ADGRA1: variants seen among roughly 807,000 people sequenced by gnomAD.
ADGRA1 encodes the protein adhesion G protein-coupled receptor A1.
ADGRA1 carries 12 observed loss-of-function variants against 21.3 expected under a neutral mutation model. That is an observed-to-expected ratio of 0.56 (90% confidence interval 0.36 to 0.91). The LOEUF is 0.91. Ranked by LOEUF, ADGRA1 falls within the 40% of genes least tolerant of loss-of-function variation. ADGRA1 has a pLI of 0.01. For synonymous variants in ADGRA1, 385 were observed against 368.8 expected, an observed-to-expected ratio of 1.04 and a Z score of -0.50; for missense variants, 790 against 805.6, an observed-to-expected ratio of 0.98 and a Z score of 0.23.
Position 133,111,893 on chromosome 10 carries a change from A to ACAACCTGCCCACCACAGG in ADGRA1, c.401+9053_401+9054insACCTGCCCACCACAGGCA, listed in dbSNP as rs1852026254. 2.3e-4 allele frequency among the ~76,000 whole-genome samples: 4 copies of ACAACCTGCCCACCACAGG among 17,248 alleles called. 1 individual carries two copies. The highest frequency in any genetic ancestry group is 3.9e-4 in the Non-Finnish European group (3 of 7,620). 11.3% of individuals were successfully genotyped at this position (17,248 alleles called of 152,430 possible). A position where few individuals can be genotyped will look rare whatever the true frequency, so the allele number is the denominator to read the frequency against. Reference sequence around the variant, plus strand: ...CCTCCAGACCACCTGCCCACCACAGACACCTCCCTCCTAATGCCTCCAGAC... The same window carrying ACAACCTGCCCACCACAGG: ...CCTCCAGACCACCTGCCCACCACAGACAACCTGCCCACCACAGGCACCTCCCTCCTAATGCCTCCAGAC... On this transcript the variant is annotated intron_variant, in intron 5 of 6. Transcript: ENST00000392607.
intron 6 of ADGRA1, 61 bp downstream of exon 6, chr10:133,127,392 C>A: frequency 7.9e-7 from 1 of 1,267,260 alleles, no homozygotes; most frequent in African/African-American, 1.5e-5. Flanking sequence ...GCCTGAGGTC[C>A]CTCCCAGGCA....
intron 5 of ADGRA1, among the ~76,000 whole-genome samples, chr10:133,112,891 C>T (rs190055662): frequency 0.018 from 2,112 of 116,722 alleles, 49 homozygotes; most frequent in Non-Finnish European, 0.023. Context: ...CTGCGGGCCG[C>T]GTCAGTTCGG....
At chr10:133,117,554 CTGCTCAGGGCTGG>C (rs2135899714) in intron 5 of ADGRA1, among the ~76,000 whole-genome samples, 1 of 152,352 alleles carries the variant, frequency 6.6e-6, no homozygotes, top group South Asian at 2.1e-4. Context: ...GCCCGGGCAC[CTGCTCAGGGCTGG>C]TGCTCCCTGG....
At chr10:133,109,963 G>GC (rs1851957757) in intron 5 of ADGRA1, among the ~76,000 whole-genome samples, 1 of 152,216 alleles carries the variant, frequency 6.6e-6, no homozygotes, top group Non-Finnish European at 1.5e-5. Flanking sequence ...AGCAGTGGTG[G>GC]CATTCCTGGG....
At chr10:133,095,523 C>A in intron 2 of ADGRA1, 1 of 1,151,762 alleles carries the variant, frequency 8.7e-7, no homozygotes, top group Non-Finnish European at 1.2e-6. Context: ...TTCGCCCTCG[C>A]ACAGGTCCAG....
chr10:133,100,480 A>G (rs888869952), intron 4 of ADGRA1, among the ~76,000 whole-genome samples: 7 of 152,170 alleles, frequency 4.6e-5, no homozygotes, highest in African/African-American at 1.7e-4. Context: ...AACACCTGCC[A>G]CTGCTTGCCT....
rs936246651 is a variant in ADGRA1 at position 133,088,767 on chromosome 10, G to A, written c.-143G>A. 9 of 1,231,468 alleles carry A rather than the reference G, an allele frequency of 7.3e-6. No individual in the cohort carries two copies. Among genetic ancestry groups the A allele is most frequent in the African/African-American group, 6.2e-5 (4 of 64,396 alleles). The allele number at this position is 1,231,468 out of a possible 1,614,324, so 76.3% of individuals were successfully genotyped here. On this transcript the variant is annotated 5_prime_UTR_variant, in exon 2 of 7. Coordinates refer to ENST00000392607, the MANE Select transcript of ADGRA1 (RefSeq NM_001083909.3). Reference sequence around the variant, plus strand: ...GCGGTCACCCTGAGGCCAGGGGCCCGGGAGCGCGACCTCCTGGCCGCCGTC... The same window carrying A: ...GCGGTCACCCTGAGGCCAGGGGCCCAGGAGCGCGACCTCCTGGCCGCCGTC...
intron 5 of ADGRA1, among the ~76,000 whole-genome samples, chr10:133,104,846 C>T (rs963585873): frequency 2.0e-5 from 3 of 152,046 alleles, no homozygotes; most frequent in South Asian, 2.1e-4. Flanking sequence ...CTGCCCTCTC[C>T]GTGGCTGGGC....
chr10:133,115,860 C>T (rs1564851411), intron 5 of ADGRA1, among the ~76,000 whole-genome samples: 1 of 152,148 alleles, frequency 6.6e-6, no homozygotes, highest in Non-Finnish European at 1.5e-5. Flanking sequence ...TCCTGGTGTA[C>T]TACAGCCCCC....
At chr10:133,124,321 G>A (rs938563038) in intron 5 of ADGRA1, among the ~76,000 whole-genome samples, 1 of 152,212 alleles carries the variant, frequency 6.6e-6, no homozygotes, top group Non-Finnish European at 1.5e-5. Context: ...GCTCTGCCGT[G>A]AGTCAGCTCC....
At chr10:133,092,195 G>A (rs1025397631) in intron 2 of ADGRA1, among the ~76,000 whole-genome samples, 13 of 152,344 alleles carry the variant, frequency 8.5e-5, no homozygotes, top group East Asian at 1.9e-4. Context: ...TCGGTCGCGC[G>A]TACGAACATT....
At chr10:133,109,999 C>G (rs1274862828) in intron 5 of ADGRA1, among the ~76,000 whole-genome samples, 1 of 152,172 alleles carries the variant, frequency 6.6e-6, no homozygotes, top group East Asian at 1.9e-4. Context: ...CAGAAAGATA[C>G]ACTCAGGGAG....
intron 5 of ADGRA1, among the ~76,000 whole-genome samples, chr10:133,104,018 TG>T (rs1433539510): frequency 6.6e-6 from 1 of 152,202 alleles, no homozygotes; most frequent in African/African-American, 2.4e-5. Flanking sequence ...TCCGGTTGCA[TG>T]GGAGACGTGA....
chr10:133,125,506 C>A (rs1357079786), intron 5 of ADGRA1, among the ~76,000 whole-genome samples: 1 of 152,222 alleles, frequency 6.6e-6, no homozygotes, highest in African/African-American at 2.4e-5. Flanking sequence ...TCACTGCAAA[C>A]CCCGCCTCCT....
intron 3 of ADGRA1, among the ~76,000 whole-genome samples, chr10:133,098,216 T>C (rs1231421531): frequency 6.6e-6 from 1 of 151,746 alleles, no homozygotes; most frequent in Non-Finnish European, 1.5e-5. Context: ...ATAGCCGGGG[T>C]CACGCTGAGC....
chr10:133,121,496 T>C (rs1852256129), intron 5 of ADGRA1, among the ~76,000 whole-genome samples: 1 of 148,840 alleles, frequency 6.7e-6, no homozygotes, highest in Non-Finnish European at 1.5e-5. Flanking sequence ...TGTGTGCCAG[T>C]GTGCGTGTGT....
intron 4 of ADGRA1, among the ~76,000 whole-genome samples, chr10:133,100,996 G>A (rs568700425): frequency 2.6e-5 from 4 of 152,246 alleles, no homozygotes; most frequent in Non-Finnish European, 5.9e-5. Context: ...CCGATGAACT[G>A]TCTGCTCCCC....
At chr10:133,112,397 C>CTATGT (rs1852054884) in intron 5 of ADGRA1, among the ~76,000 whole-genome samples, 1 of 139,562 alleles carries the variant, frequency 7.2e-6, no homozygotes, top group African/African-American at 3.0e-5. Flanking sequence ...GGTCTACGGG[C>CTATGT]CGCGTCCGTT....
chr10:133,093,348 C>A, intron 2 of ADGRA1: 2 of 1,457,126 alleles, frequency 1.4e-6, no homozygotes, highest in South Asian at 2.7e-5. Flanking sequence ...AACACCCTGA[C>A]CCACTTGATT....
Sources: allele counts gnomAD v4.1 joint callset (sites outside exome capture counted in the v4.1 genomes callset), GRCh38; gene constraint gnomAD v4.1.1; transcripts MANE v1.5; gene names NCBI Gene and HGNC (gene_info 2026-07-23, HGNC 2026-07-21).